Variants in ADAM18 observed in about 807,000 individuals in gnomAD.
ADAM18 encodes the protein ADAM metallopeptidase domain 18, also known as disintegrin and metalloproteinase domain-containing protein 18.
ADAM18 carries 117 observed loss-of-function variants against 94.4 expected under a neutral mutation model. That is an observed-to-expected ratio of 1.24 (90% CI 1.07 to 1.45). The LOEUF is 1.45. Ranked by LOEUF, ADAM18 falls within the 40% of genes most tolerant of loss-of-function variation. ADAM18 has a pLI of 0.00. For missense variants in ADAM18, 936 were observed against 880.0 expected (o/e 1.06, Z -0.81); for synonymous variants, 327 against 291.6 (o/e 1.12, Z -1.24).
At chr8:39,603,003 T>C (rs1818953777) in intron 2 of ADAM18, among the ~76,000 whole-genome samples, 1 of 151,922 alleles carries the variant, frequency 6.6e-6, no homozygotes, top group African/African-American at 2.4e-5. Flanking sequence ...TTGAGATTCA[T>C]CTTTTTGCAT....
Position 39,610,666 on chromosome 8 carries a change from G to C in ADAM18, c.482G>C (p.Trp161Ser), listed in dbSNP as rs1819246789. ...TTAGCAGTAAATTACAGTCATATTT[G>C]GCAGAAAGACCAGCCCTACAAAGTT... ...SILAVNYSHI[W>S]QKDQPYKVPL... Residue 161 changes from tryptophan (W) to serine (S), a missense_variant, in exon 6 of 20, where the codon TGG becomes TCG. Coordinates refer to ENST00000265707, the MANE Select transcript of ADAM18 (RefSeq NM_014237.3). 3.1e-6 allele frequency: 5 copies of C among 1,613,026 alleles called. No individual in the cohort carries two copies. The highest frequency in any genetic ancestry group is 3.4e-6 in the Non-Finnish European group (4 of 1,179,490).
Position 39,631,268 on chromosome 8 carries a change from T to G in ADAM18, c.588+1829T>G, listed in dbSNP as rs534571181. Reference sequence around the variant, plus strand: ...TTCCTTTTGTTTTTAAGAAATATTTTCTTATTCCAAGGACATAATTTTACT... The same window carrying G: ...TTCCTTTTGTTTTTAAGAAATATTTGCTTATTCCAAGGACATAATTTTACT... On this transcript the variant is annotated intron_variant, in intron 7 of 19. Coordinates refer to ENST00000265707, the MANE Select transcript of ADAM18 (RefSeq NM_014237.3). Among the ~76,000 whole-genome samples the G allele has an allele frequency of 2.6e-5, 4 of 152,130 alleles. No homozygotes were observed. The East Asian group carries it at 7.7e-4, about 29-fold the overall frequency.
In ADAM18 at chr8:39,645,324, G is replaced by T; in HGVS notation, c.910-14G>T. 1.3e-6 allele frequency: 2 copies of T among 1,580,376 alleles called. No individual in the cohort carries two copies. Among genetic ancestry groups the T allele is most frequent in the Non-Finnish European group, 1.7e-6 (2 of 1,165,706 alleles). The stretch of plus-strand genomic sequence containing the variant: ...CACACATAATAATTTTCTTTTTCAT[G>T]TCTTTTATTTTAGTATCCAGATGCA... On this transcript the variant is annotated splice_polypyrimidine_tract_variant and intron_variant, in intron 10 of 19. Coordinates refer to ENST00000265707, the MANE Select transcript of ADAM18 (RefSeq NM_014237.3).
chr8:39,724,804 T>C (rs1213311766), intron 19 of ADAM18, among the ~76,000 whole-genome samples: 2 of 151,976 alleles, frequency 1.3e-5, no homozygotes, highest in Non-Finnish European at 2.9e-5. Flanking sequence ...AATTCTTCCC[T>C]TGGACTCATA....
intron 19 of ADAM18, among the ~76,000 whole-genome samples, chr8:39,727,275 G>T (rs1178608426): frequency 1.3e-5 from 2 of 152,058 alleles, no homozygotes; most frequent in Non-Finnish European, 2.9e-5. Context: ...TCTAGCAAGT[G>T]GTTGCTCCAC....
chr8:39,623,139 TCA>T (rs1165404049), intron 6 of ADAM18, among the ~76,000 whole-genome samples: 1 of 152,208 alleles, frequency 6.6e-6, no homozygotes, highest in African/African-American at 2.4e-5. Flanking sequence ...CTGAGTTACT[TCA>T]CTTAGAATAA....
rs141019432 is a variant in ADAM18 at position 39,628,683 on chromosome 8, A to C, written c.523-691A>C. Among the ~76,000 whole-genome samples the C allele has an allele frequency of 2.4e-3, 359 of 152,194 alleles. 1 individual carries two copies. The highest frequency in any genetic ancestry group is 8.1e-3 in the African/African-American group (335 of 41,564). ...AAGAAGAAATTTCTCTGAAGTTTCT[A>C]TATGTGAGAAGGCACTTCAGCTTGT... On this transcript the variant is annotated intron_variant, in intron 6 of 19. Transcript: ENST00000265707.
chr8:39,709,697 G>A (rs1433082467), intron 18 of ADAM18, among the ~76,000 whole-genome samples: 1 of 152,204 alleles, frequency 6.6e-6, no homozygotes, highest in Non-Finnish European at 1.5e-5. Flanking sequence ...CACCCAGGCA[G>A]CAATGTGGTA....
chr8:39,602,456 C>T (rs1276465743), intron 2 of ADAM18, among the ~76,000 whole-genome samples: 1 of 152,166 alleles, frequency 6.6e-6, no homozygotes, highest in African/African-American at 2.4e-5. Flanking sequence ...CTGAAAGTCA[C>T]AGTTCCACCC....
At chr8:39,629,334 A>C (rs1435076406) in intron 6 of ADAM18, 40 bp from the exon 7 acceptor site, 2 of 1,440,500 alleles carry the variant, frequency 1.4e-6, no homozygotes, top group African/African-American at 2.9e-5. Flanking sequence ...AATTCAATAC[A>C]TGTTAACATT....
chr8:39,689,376 T>C (rs1246075597), intron 16 of ADAM18, among the ~76,000 whole-genome samples: 1 of 152,230 alleles, frequency 6.6e-6, no homozygotes, highest in Non-Finnish European at 1.5e-5. Flanking sequence ...CTGTGTGTGG[T>C]GTAAGGAAGC....
intron 16 of ADAM18, among the ~76,000 whole-genome samples, chr8:39,683,813 T>G (rs1268873671): frequency 6.6e-6 from 1 of 152,210 alleles, no homozygotes; most frequent in Non-Finnish European, 1.5e-5. Flanking sequence ...GCAAATATTT[T>G]CTCCTACTCT....
rs1183546637 is a variant in ADAM18, at chr8:39,644,533, CT to C, written c.910-804del. ...GAGTTCCTGGCCTCAAGCAGTCCTACTGCCTTGGCTTCTCAAAACGCTGGGA... is the reference window on the plus strand; with the variant it reads ...GAGTTCCTGGCCTCAAGCAGTCCTACGCCTTGGCTTCTCAAAACGCTGGGA... On this transcript the variant is annotated intron_variant, in intron 10 of 19. Coordinates refer to ENST00000265707, the MANE Select transcript of ADAM18 (RefSeq NM_014237.3). 1.4e-4 allele frequency among the ~76,000 whole-genome samples: 21 copies of C among 152,278 alleles called. 1 individual carries two copies. The highest frequency in any genetic ancestry group is 1.4e-3 in the Admixed American group (21 of 15,292).
At chr8:39,587,895 T>G (rs113286757) in intron 2 of ADAM18, among the ~76,000 whole-genome samples, 99 of 152,344 alleles carry the variant, frequency 6.5e-4, no homozygotes, top group African/African-American at 2.3e-3. Flanking sequence ...TAAATAGTGT[T>G]CCAATATGTT....
intron 16 of ADAM18, among the ~76,000 whole-genome samples, chr8:39,681,792 T>C (rs1216865226): frequency 6.6e-6 from 1 of 152,178 alleles, no homozygotes; most frequent in Non-Finnish European, 1.5e-5. Context: ...GTTCTTTTTA[T>C]TTAGTGGCAG....
rs749128406 is a variant in ADAM18 at position 39,638,558 on chromosome 8, TTA to T, written c.909+14_909+15del. On this transcript the variant is annotated intron_variant, in intron 10 of 19. Coordinates refer to ENST00000265707, the MANE Select transcript of ADAM18 (RefSeq NM_014237.3). ...CAGGTATTGCTATGGTATGTAATTT[TTA>T]TTCTTCTTTACATCACTATTTTTAG... 6.7e-7 allele frequency: 1 copy of T among 1,482,334 alleles called. No homozygotes were observed. The highest frequency in any genetic ancestry group is 9.1e-7 in the Non-Finnish European group (1 of 1,096,774). The allele number at this position is 1,482,334 out of a possible 1,614,324, so 91.8% of individuals were successfully genotyped here.
Position 39,693,763 on chromosome 8 carries a change from A to C in ADAM18, c.1902+1083A>C, listed in dbSNP as rs909700831. 1.1e-4 allele frequency among the ~76,000 whole-genome samples: 17 copies of C among 151,318 alleles called. No individual in the cohort carries two copies. In the East Asian group the frequency reaches 3.3e-3, roughly 29 times the overall value. ...TAAGGTAAAACTTCCATATTTATTT[A>C]ATTTATATTTCTACATATGTTATAT... On this transcript the variant is annotated intron_variant, in intron 17 of 19. Transcript: ENST00000265707.
intron 7 of ADAM18, among the ~76,000 whole-genome samples, chr8:39,632,087 CATATT>C (rs769047784): frequency 1.4e-4 from 21 of 151,686 alleles, no homozygotes; most frequent in Non-Finnish European, 2.7e-4. Flanking sequence ...TGTACACAAT[CATATT>C]ATTTATGAAT....
At chr8:39,676,415 C>A (rs1821303144) in intron 14 of ADAM18, among the ~76,000 whole-genome samples, 1 of 152,216 alleles carries the variant, frequency 6.6e-6, no homozygotes, top group African/African-American at 2.4e-5. Flanking sequence ...GCTGCGCTAG[C>A]AGTGAGCAAG....
Sources: gnomAD v4.1 joint callset for allele counts (sites outside exome capture counted in the v4.1 genomes callset) on GRCh38, gnomAD v4.1.1 for gene constraint, MANE v1.5 for transcripts, NCBI Gene and HGNC (gene_info 2026-07-23, HGNC 2026-07-21) for gene names.